The following IL1RAPL1 variants were observed in gnomAD, a reference collection of about 807,000 sequenced individuals.
The protein encoded by IL1RAPL1 is interleukin-1 receptor accessory protein-like 1.
A neutral mutation model predicts 48.4 loss-of-function variants in IL1RAPL1; 3 were observed. The ratio of observed to expected loss-of-function variants is 0.06; its 90% CI spans 0.03 to 0.16. The LOEUF (loss-of-function observed/expected upper bound fraction) is 0.16, where lower values mean the gene tolerates loss of function less well. Among genes scored for constraint, IL1RAPL1 ranks in the 10% least tolerant of loss-of-function variants. The probability of loss-of-function intolerance (pLI) is 1.00; values close to 1 mark genes in which losing one functional copy is unlikely to be tolerated. For missense variants in IL1RAPL1, 349 were observed against 530.6 expected, an observed-to-expected ratio of 0.66 and a Z score of 3.36; for synonymous variants, 185 against 187.7, an observed-to-expected ratio of 0.99 and a Z score of 0.12.
chrX:28,699,341 A>G (rs895528109), intron 1 of IL1RAPL1, among the ~76,000 whole-genome samples: 3 of 112,275 alleles, frequency 2.7e-5, no homozygotes, highest in African/African-American at 9.7e-5. Context: ...AAAGTGTTCA[A>G]TAGGTGTGTC....
intron 2 of IL1RAPL1, among the ~76,000 whole-genome samples, chrX:29,164,327 A>T (rs1929744350): frequency 8.9e-6 from 1 of 111,946 alleles, no homozygotes. Flanking sequence ...CCCAGTGCAG[A>T]TGCTGAATAA....
intron 5 of IL1RAPL1, among the ~76,000 whole-genome samples, chrX:29,618,220 C>A (rs934322477): frequency 8.9e-6 from 1 of 112,100 alleles, no homozygotes; most frequent in Non-Finnish European, 1.9e-5. Flanking sequence ...CAAAATTGCT[C>A]ATTAGCCTTT....
At chrX:29,399,746 G>A (rs935937474) in intron 5 of IL1RAPL1, among the ~76,000 whole-genome samples, 1 of 109,500 alleles carries the variant, frequency 9.1e-6, no homozygotes, top group Non-Finnish European at 1.9e-5. Flanking sequence ...TCGAACCCAC[G>A]AGGCAGAGGT....
chrX:29,943,559 C>T lies in IL1RAPL1; in HGVS notation c.1201+1765C>T, dbSNP rs1258498556. ...GTATTTTTTTTAAATTTAGTATGTT[C>T]AGTATCATCTAAAGATCTACTGTTG... On this transcript the variant is annotated intron_variant, in intron 9 of 10. Coordinates refer to ENST00000378993, the MANE Select transcript of IL1RAPL1 (RefSeq NM_014271.4). Among the ~76,000 whole-genome samples, 7 of 111,912 alleles carry T rather than the reference C, an allele frequency of 6.3e-5. No homozygotes were observed. The Admixed American group carries it at 6.6e-4, about 11-fold the overall frequency.
chrX:28,736,441 A>G (rs1195405011), intron 1 of IL1RAPL1, among the ~76,000 whole-genome samples: 1 of 110,782 alleles, frequency 9.0e-6, no homozygotes, highest in African/African-American at 3.3e-5. Flanking sequence ...CAAAAAAAAA[A>G]AAAAATGATG....
At chrX:29,127,619 A>G (rs1182711082) in intron 2 of IL1RAPL1, among the ~76,000 whole-genome samples, 1 of 111,665 alleles carries the variant, frequency 9.0e-6, no homozygotes, top group Non-Finnish European at 1.9e-5. Flanking sequence ...TAATATATCA[A>G]CTGCCTACAG....
chrX:29,874,401 C>G (rs1931862447), intron 6 of IL1RAPL1, among the ~76,000 whole-genome samples: 1 of 112,092 alleles, frequency 8.9e-6, no homozygotes, highest in Non-Finnish European at 1.9e-5. Flanking sequence ...TAGTCATCTT[C>G]TTTACTGGGG....
At chrX:28,981,128 A>G (rs962478691) in intron 2 of IL1RAPL1, among the ~76,000 whole-genome samples, 3 of 90,820 alleles carry the variant, frequency 3.3e-5, no homozygotes, top group African/African-American at 8.6e-5. Flanking sequence ...AAAAAAAAAA[A>G]GGAAAGAAAG....
At chrX:29,902,376 C>G in intron 6 of IL1RAPL1, among the ~76,000 whole-genome samples, 1 of 110,587 alleles carries the variant, frequency 9.0e-6, no homozygotes, top group East Asian at 2.9e-4. Flanking sequence ...AAAATTTGAG[C>G]CCTTACAAGA....
chrX:29,752,081 TATATATATATATATATATATATACACAC>T lies in IL1RAPL1; in HGVS notation c.778+83588_778+83615del, dbSNP rs1252512973. Among the ~76,000 whole-genome samples the T allele has an allele frequency of 3.9e-5, 3 of 76,445 alleles. No individual in the cohort carries two copies. The East Asian group carries it at 1.1e-3, about 27-fold the overall frequency. The allele number at this position is 76,445 out of a possible 115,157, so 66.4% of individuals were successfully genotyped here. A position where few individuals can be genotyped will look rare whatever the true frequency, so the allele number is the denominator to read the frequency against. ...ATATATGTATATATATGTGTGTATG[TATATATATATATATATATATATACACAC>T]ATATATATATTAGGTCCCACAGATG... On this transcript the variant is annotated intron_variant, in intron 6 of 10. Transcript: ENST00000378993.
intron 3 of IL1RAPL1, among the ~76,000 whole-genome samples, chrX:29,334,795 T>G (rs773324687): frequency 4.2e-3 from 327 of 78,695 alleles, no homozygotes; most frequent in Middle Eastern, 0.013. Flanking sequence ...TTCCAGACTG[T>G]GCAGCCAGGC....
intron 6 of IL1RAPL1, among the ~76,000 whole-genome samples, chrX:29,861,223 G>A (rs1278221862): frequency 9.0e-6 from 1 of 111,702 alleles, no homozygotes; most frequent in Non-Finnish European, 1.9e-5. Context: ...CTAAAGAGAA[G>A]ACTTTGTTGC....
At chrX:29,135,896 C>A (rs1047021063) in intron 2 of IL1RAPL1, among the ~76,000 whole-genome samples, 1 of 110,271 alleles carries the variant, frequency 9.1e-6, no homozygotes, top group Admixed American at 9.7e-5. Context: ...GCCACCACGC[C>A]TGGCTAATTT....
At chrX:28,913,544 C>CT (rs1368756004) in intron 2 of IL1RAPL1, among the ~76,000 whole-genome samples, 1 of 110,602 alleles carries the variant, frequency 9.0e-6, no homozygotes, top group Non-Finnish European at 1.9e-5. Flanking sequence ...TAATGGTGAG[C>CT]TGAATACAAA....
At chrX:28,993,247 C>T (rs1925653003) in intron 2 of IL1RAPL1, among the ~76,000 whole-genome samples, 1 of 111,499 alleles carries the variant, frequency 9.0e-6, no homozygotes, top group Admixed American at 9.6e-5. Context: ...AGGTTTTAAG[C>T]AGTGCAACCA....
intron 2 of IL1RAPL1, among the ~76,000 whole-genome samples, chrX:28,876,754 GA>G (rs4024039): frequency 0.024 from 2,485 of 101,518 alleles, 51 homozygotes; most frequent in African/African-American, 0.064. Flanking sequence ...ATTCTTGCTG[GA>G]AAAAAAAAAA....
chrX:28,849,442 TC>T (rs770158365), intron 2 of IL1RAPL1, among the ~76,000 whole-genome samples: 9 of 111,962 alleles, frequency 8.0e-5, no homozygotes, highest in African/African-American at 2.9e-4. Flanking sequence ...ATGTTCTTCT[TC>T]CTAGAAAATC....
intron 5 of IL1RAPL1, among the ~76,000 whole-genome samples, chrX:29,529,369 G>A (rs750516666): frequency 3.6e-5 from 4 of 110,702 alleles, no homozygotes; most frequent in East Asian, 2.8e-4. Flanking sequence ...TGAGGTGGGC[G>A]GATCACCTGA....
chrX:29,739,901 A>C (rs6653824), intron 6 of IL1RAPL1, among the ~76,000 whole-genome samples: 10 of 109,778 alleles, frequency 9.1e-5, no homozygotes, highest in African/African-American at 3.3e-4. Context: ...TCTACTAAAA[A>C]TACAAAAAAT....
Sources: gnomAD v4.1 joint callset for allele counts (sites outside exome capture counted in the v4.1 genomes callset) on GRCh38, gnomAD v4.1.1 for gene constraint, MANE v1.5 for transcripts, NCBI Gene and HGNC (gene_info 2026-07-23, HGNC 2026-07-21) for gene names.